Variants in ERI1 observed in about 807,000 individuals in gnomAD.
ERI1 encodes the protein 3'-5' exoribonuclease 1.
A neutral mutation model predicts 39.7 loss-of-function variants in ERI1; 39 were observed. The ratio of observed to expected loss-of-function variants is 0.98; its 90% confidence interval spans 0.76 to 1.28. The LOEUF is 1.28. ERI1 is among the 50% of genes most tolerant of loss of function. The pLI is 0.00. For missense variants in ERI1, 581 were observed against 416.9 expected (o/e 1.39, Z -3.43); for synonymous variants, 204 against 149.6 (o/e 1.36, Z -2.65).
At chr8:9,065,505 C>T (rs1003820006) in intron 3 of ERI1, among the ~76,000 whole-genome samples, 1 of 152,054 alleles carries the variant, frequency 6.6e-6, no homozygotes, top group African/African-American at 2.4e-5. Flanking sequence ...ACCATCTTGG[C>T]TAACGTGGTG....
chr8:9,041,738 G>A (rs1798026200), intron 3 of ERI1, among the ~76,000 whole-genome samples: 1 of 152,170 alleles, frequency 6.6e-6, no homozygotes, highest in African/African-American at 2.4e-5. Flanking sequence ...AAACTAGAGA[G>A]ATTTCTTTCT....
intron 3 of ERI1, among the ~76,000 whole-genome samples, chr8:9,091,906 G>T (rs1024817318): frequency 6.6e-6 from 1 of 150,800 alleles, no homozygotes; most frequent in African/African-American, 2.4e-5. Context: ...TTGTTAATTT[G>T]TGGATGTTGG....
At chr8:9,034,410 C>G (rs1411900015), downstream of ERI1, among the ~76,000 whole-genome samples, 1 of 152,134 alleles carries the variant, frequency 6.6e-6, no homozygotes, top group Non-Finnish European at 1.5e-5. Context: ...TGGAGAAAGT[C>G]TATTTATGTC....
At chr8:9,003,276 C>A in intron 1 of ERI1, 105 bp downstream of exon 1, 1 of 637,628 alleles carries the variant, frequency 1.6e-6, no homozygotes, top group Non-Finnish European at 2.2e-6. Context: ...TGCAGCTGTG[C>A]GCCCTTGGAC....
At chr8:9,029,363 C>T (rs1017640887) in intron 6 of ERI1, among the ~76,000 whole-genome samples, 1 of 152,138 alleles carries the variant, frequency 6.6e-6, no homozygotes, top group Admixed American at 6.5e-5. Flanking sequence ...GAGTCTCGCT[C>T]TGTTGTTCAG....
chr8:9,089,122 A>G (rs1231557778), intron 3 of ERI1, among the ~76,000 whole-genome samples: 1 of 152,124 alleles, frequency 6.6e-6, no homozygotes, highest in African/African-American at 2.4e-5. Context: ...GGGAAATAAC[A>G]TGGTTCCCGC....
chr8:9,082,810 C>A (rs1799409458), intron 3 of ERI1, among the ~76,000 whole-genome samples: 1 of 152,014 alleles, frequency 6.6e-6, no homozygotes, highest in South Asian at 2.1e-4. Context: ...GATGAGATGC[C>A]CGAAGAGTCA....
chr8:9,035,930 A>T (rs1444787012), downstream of ERI1, among the ~76,000 whole-genome samples: 1 of 152,204 alleles, frequency 6.6e-6, no homozygotes, highest in Non-Finnish European at 1.5e-5. Context: ...TTCAGTCCTC[A>T]TGGATGACTT....
intron 5 of ERI1, among the ~76,000 whole-genome samples, chr8:9,019,929 T>A (rs1242646738): frequency 1.3e-5 from 2 of 152,214 alleles, no homozygotes; most frequent in Non-Finnish European, 2.9e-5. Context: ...AGAAAAATGT[T>A]GTAGCAGAAC....
At chr8:9,036,584 C>T (rs1229139739), downstream of ERI1, among the ~76,000 whole-genome samples, 1 of 152,190 alleles carries the variant, frequency 6.6e-6, no homozygotes, top group Non-Finnish European at 1.5e-5. Context: ...GTGTGAGTTG[C>T]TTCATTGTGA....
chr8:9,043,810 C>T (rs1000240350), intron 3 of ERI1, among the ~76,000 whole-genome samples: 5 of 152,192 alleles, frequency 3.3e-5, no homozygotes, highest in African/African-American at 7.2e-5. Context: ...ACCTCAGCCT[C>T]CTGAGTAGCT....
At chr8:9,070,213 T>C (rs1317852792) in intron 3 of ERI1, among the ~76,000 whole-genome samples, 1 of 151,294 alleles carries the variant, frequency 6.6e-6, no homozygotes, top group Non-Finnish European at 1.5e-5. Context: ...CACTCCAACC[T>C]GGGTGAGAGT....
At chr8:9,027,136 G>GGTT (rs1554519659) in intron 6 of ERI1, among the ~76,000 whole-genome samples, 4 of 137,502 alleles carry the variant, frequency 2.9e-5, no homozygotes, top group African/African-American at 1.1e-4. Flanking sequence ...GTTATTTTCT[G>GGTT]GTGTGTGTGT....
In ERI1 at chr8:9,041,173, G is replaced by A. The variant is rs146084363; in HGVS notation, n.299+20709G>A. On this transcript the variant is annotated intron_variant and non_coding_transcript_variant, in intron 3 of 3. Transcript: ENST00000518663. ...ATTCTGTGTGTCTGGTGAGAAAAAT[G>A]TGGGAATTCCAAGCAACAACGTATT... Among the ~76,000 whole-genome samples, 669 of 152,358 alleles carry A rather than the reference G, an allele frequency of 4.4e-3. 3 individuals carry two copies. The highest frequency in any genetic ancestry group is 0.014 in the Middle Eastern group (4 of 294).
At chr8:9,070,046 C>T (rs891222883) in intron 3 of ERI1, among the ~76,000 whole-genome samples, 1 of 151,956 alleles carries the variant, frequency 6.6e-6, no homozygotes, top group Non-Finnish European at 1.5e-5. Flanking sequence ...TGAGACTAGC[C>T]TGGTTAACAT....
rs771876919 is a variant in ERI1, at chr8:9,032,136, C to G, written c.*2102C>G. On this transcript the variant is annotated 3_prime_UTR_variant, in exon 7 of 7. Transcript: ENST00000250263. ...TTGGGATTTTGCTGATGAGATGATA[C>G]TAAACATTGAGAGTACTGCTTTTTA... 3 of 152,174 alleles carry G rather than the reference C, an allele frequency of 2.0e-5. No individual in the cohort carries two copies. The highest frequency in any genetic ancestry group is 1.3e-4 in the Admixed American group (2 of 15,268). 9.4% of individuals were successfully genotyped at this position (152,174 alleles called of 1,614,324 possible).
chr8:9,086,607 G>A (rs767828883), intron 3 of ERI1, among the ~76,000 whole-genome samples: 1 of 152,168 alleles, frequency 6.6e-6, no homozygotes, highest in Non-Finnish European at 1.5e-5. Context: ...TCTTAAGAAT[G>A]CATTGTAACA....
chr8:9,067,208 T>G (rs1186448606), intron 3 of ERI1, among the ~76,000 whole-genome samples: 1 of 152,168 alleles, frequency 6.6e-6, no homozygotes, highest in Non-Finnish European at 1.5e-5. Context: ...ACGTCATTCA[T>G]ACACATGAAG....
intron 3 of ERI1, among the ~76,000 whole-genome samples, chr8:9,043,034 G>C (rs552762327): frequency 4.7e-4 from 72 of 152,346 alleles, no homozygotes; most frequent in African/African-American, 1.7e-3. Context: ...TCTGCTGTTG[G>C]AATAGATTGT....
Sources: gnomAD v4.1 joint callset for allele counts (sites outside exome capture counted in the v4.1 genomes callset) on GRCh38, gnomAD v4.1.1 for gene constraint, MANE v1.5 for transcripts, NCBI Gene and HGNC (gene_info 2026-07-23, HGNC 2026-07-21) for gene names.